The following PRDM8 variants were observed in gnomAD, a reference collection of about 807,000 sequenced individuals.
The protein encoded by PRDM8 is PR domain zinc finger protein 8.
PRDM8 carries 13 observed loss-of-function variants against 46.5 expected under a neutral mutation model. The observed-to-expected ratio is 0.28, with a 90% CI of 0.18 to 0.44. The LOEUF is 0.44. PRDM8 is among the 20% of genes least tolerant of loss of function. PRDM8 has a pLI of 1.00. For missense variants in PRDM8, 998 were observed against 955.0 expected, an observed-to-expected ratio of 1.04 and a Z score of -0.59; for synonymous variants, 473 against 438.4, an observed-to-expected ratio of 1.08 and a Z score of -0.98.
chr4:80,203,047 G>T lies in PRDM8; in HGVS notation c.1585G>T (p.Ala529Ser), dbSNP rs1254406151. 3 of 1,555,232 alleles carry T rather than the reference G, an allele frequency of 1.9e-6. No individual in the cohort carries two copies. Among genetic ancestry groups the T allele is most frequent in the Non-Finnish European group, 2.6e-6 (3 of 1,160,310 alleles). Residue 529 changes from alanine to serine, a missense_variant, in exon 4 of 4, where the codon GCC (alanine) becomes TCC (serine). Coordinates refer to ENST00000415738, the MANE Select transcript of PRDM8 (RefSeq NM_001099403.2). ...GGGCGCGCTCGAGCCATGCCACCCC[G>T]CCGACGGCGTGGGCCCCACCAGACT... ...KLGALEPCHP[A>S]DGVGPTRLYP...
At chr4:80,196,129 G>A, upstream of PRDM8, 3 of 959,746 alleles carry the variant, frequency 3.1e-6, no homozygotes, top group Non-Finnish European at 3.7e-6. Context: ...AACATGGTAA[G>A]CTGCTCTTTG....
upstream of PRDM8, chr4:80,195,996 C>T (rs924742393): frequency 1.5e-5 from 14 of 906,408 alleles, no homozygotes; most frequent in Non-Finnish European, 1.8e-5. Context: ...AAAGTCCTTG[C>T]ACTTGTTTCT....
intron 1 of PRDM8, among the ~76,000 whole-genome samples, chr4:80,187,879 C>T (rs1737242985): frequency 6.6e-6 from 1 of 152,236 alleles, no homozygotes; most frequent in South Asian, 2.1e-4. Flanking sequence ...TCAATCCCAG[C>T]TCTGGGTCTC....
chr4:80,202,251 C>T lies in PRDM8; in HGVS notation c.789C>T (p.Asn263=), dbSNP rs1738543537. 6.2e-7 allele frequency: 1 copy of T among 1,611,944 alleles called. No homozygotes were observed. The highest frequency in any genetic ancestry group is 1.3e-5 in the African/African-American group (1 of 74,728). The change falls in exon 4 of 4, where the codon AAC becomes AAT. Residue 263 remains asparagine, a synonymous_variant. Coordinates refer to ENST00000415738, the MANE Select transcript of PRDM8 (RefSeq NM_001099403.2). ...CGAAGCCATCCACAGACTTCCACAACCTGGCCAGGGAGCTGGAAAACTCCC... is the reference window on the plus strand; with the variant it reads ...CGAAGCCATCCACAGACTTCCACAATCTGGCCAGGGAGCTGGAAAACTCCC... The part of the protein sequence containing the change: ...SSAKPSTDFH[N]LARELENSRG...
At chr4:80,191,230 C>T (rs1010391995) in intron 1 of PRDM8, among the ~76,000 whole-genome samples, 2 of 152,198 alleles carry the variant, frequency 1.3e-5, no homozygotes, top group African/African-American at 4.8e-5. Flanking sequence ...TAAACACACA[C>T]CCATACCCAT....
At chr4:80,201,561 C>G (rs777521020) in intron 3 of PRDM8, 40 bp downstream of exon 3, 2 of 1,584,056 alleles carry the variant, frequency 1.3e-6, no homozygotes, top group Non-Finnish European at 1.7e-6. Context: ...CCTTAACTAG[C>G]GGGGGAGAGA....
At chr4:80,198,471 T>C (rs1738139213) in intron 1 of PRDM8, among the ~76,000 whole-genome samples, 1 of 152,216 alleles carries the variant, frequency 6.6e-6, no homozygotes, top group Non-Finnish European at 1.5e-5. Context: ...TTTTAAAATG[T>C]ATTTTAATTT....
At chr4:80,188,483 A>G (rs558534087) in intron 1 of PRDM8, among the ~76,000 whole-genome samples, 1 of 152,208 alleles carries the variant, frequency 6.6e-6, no homozygotes, top group Non-Finnish European at 1.5e-5. Flanking sequence ...ACTCTATGAG[A>G]TAGATGTTGT....
In PRDM8 at chr4:80,203,749, C is replaced by A. The variant is rs1010315730; in HGVS notation, c.*217C>A. The A allele has an allele frequency of 7.7e-6, 4 of 520,368 alleles. No individual in the cohort carries two copies. The East Asian group carries it at 1.5e-4, about 20-fold the overall frequency. 32.2% of individuals were successfully genotyped at this position (520,368 alleles called of 1,614,324 possible). ...TACCCGGGACACACACCCCCCCCCA[C>A]ACACACACACAGACACACTCACACA... On this transcript the variant is annotated 3_prime_UTR_variant, in exon 4 of 4. Transcript: ENST00000415738.
intron 1 of PRDM8, among the ~76,000 whole-genome samples, chr4:80,188,501 A>G (rs186349920): frequency 2.0e-5 from 3 of 152,288 alleles, no homozygotes; most frequent in Admixed American, 1.3e-4. Context: ...TGTCTTTACT[A>G]TTTTACAAAT....
chr4:80,199,709 ATGTG>A (rs34334135), intron 1 of PRDM8, among the ~76,000 whole-genome samples: 71 of 133,004 alleles, frequency 5.3e-4, no homozygotes, highest in Admixed American at 8.3e-4. Flanking sequence ...ATATATATAT[ATGTG>A]TGTGTGTGTG....
At chr4:80,193,222 G>T (rs901937539), upstream of PRDM8, among the ~76,000 whole-genome samples, 21 of 152,202 alleles carry the variant, frequency 1.4e-4, no homozygotes, top group African/African-American at 4.8e-4. Flanking sequence ...CCCAGGGCCA[G>T]CCTGGAAAAC....
chr4:80,200,709 T>A (rs891044728), intron 2 of PRDM8, among the ~76,000 whole-genome samples: 1 of 152,204 alleles, frequency 6.6e-6, no homozygotes, highest in African/African-American at 2.4e-5. Flanking sequence ...AAGATTAGTT[T>A]CTTTGGTAAT....
At chr4:80,198,994 G>GTTTTTTT (rs1310531623) in intron 1 of PRDM8, among the ~76,000 whole-genome samples, 10 of 63,506 alleles carry the variant, frequency 1.6e-4, no homozygotes, top group Admixed American at 4.5e-4. Context: ...TTTTTTTTTT[G>GTTTTTTT]TTTTTTTTTT....
chr4:80,196,317 C>A (rs561479893), upstream of PRDM8: 2 of 985,398 alleles, frequency 2.0e-6, no homozygotes, highest in East Asian at 1.1e-4. Flanking sequence ...AGTTGAGAAA[C>A]TGTCTATACC....
intron 2 of PRDM8, 137 bp from the exon 3 acceptor site, chr4:80,201,153 T>G (rs1738408025): frequency 1.3e-6 from 1 of 782,518 alleles, no homozygotes; most frequent in South Asian, 1.8e-5. Flanking sequence ...GGCCAAACTT[T>G]TGGAAGCGTG....
rs1738666156 is a variant in PRDM8 at position 80,203,000 on chromosome 4, C to G, written c.1538C>G (p.Pro513Arg). ...QPARSFSQLSPLVLGQKLGAL... is the reference protein window; with the variant it reads ...QPARSFSQLSRLVLGQKLGAL... ...GCACGCTCTTTCTCGCAGCTGTCCCCGCTGGTGCTGGGCCAGAAGCTGGGC... is the reference window on the plus strand; with the variant it reads ...GCACGCTCTTTCTCGCAGCTGTCCCGGCTGGTGCTGGGCCAGAAGCTGGGC... The change falls in exon 4 of 4, where the codon CCG (proline) becomes CGG (arginine). Residue 513 changes from proline (P) to arginine (R), a missense_variant. By Grantham distance (103) the Pro-to-Arg change is moderately radical. Coordinates refer to ENST00000415738, the MANE Select transcript of PRDM8 (RefSeq NM_001099403.2). 2 of 1,520,864 alleles carry G rather than the reference C, an allele frequency of 1.3e-6. No individual in the cohort carries two copies. The allele number at this position is 1,520,864 out of a possible 1,614,324, so 94.2% of individuals were successfully genotyped here. A position where few individuals can be genotyped will look rare whatever the true frequency, so the allele number is the denominator to read the frequency against.
intron 1 of PRDM8, 53 bp downstream of exon 1, chr4:80,197,816 G>A: frequency 1.0e-6 from 1 of 974,382 alleles, no homozygotes; most frequent in Non-Finnish European, 1.2e-6. Flanking sequence ...ACAGTTTGGT[G>A]GAAAGAGTAG....
chr4:80,203,673 C>T lies in PRDM8; in HGVS notation c.*141C>T, dbSNP rs957581936. 9 of 1,393,990 alleles carry T rather than the reference C, an allele frequency of 6.5e-6. No individual in the cohort carries two copies. Among genetic ancestry groups the T allele is most frequent in the Admixed American group, 2.9e-5 (1 of 34,174 alleles). 86.4% of individuals were successfully genotyped at this position (1,393,990 alleles called of 1,614,324 possible). A position where few individuals can be genotyped will look rare whatever the true frequency, so the allele number is the denominator to read the frequency against. ...CATACATTCACCGCCCCCCCGCCCCCCCAACGCGCACACACACGTCCTCTC... is the reference window on the plus strand; with the variant it reads ...CATACATTCACCGCCCCCCCGCCCCTCCAACGCGCACACACACGTCCTCTC... On this transcript the variant is annotated 3_prime_UTR_variant, in exon 4 of 4. Transcript: ENST00000415738.
Sources: allele counts gnomAD v4.1 joint callset (sites outside exome capture counted in the v4.1 genomes callset), GRCh38; gene constraint gnomAD v4.1.1; transcripts MANE v1.5; gene names NCBI Gene and HGNC (gene_info 2026-07-23, HGNC 2026-07-21).